FER: variants seen among roughly 807,000 people sequenced by gnomAD.
FER encodes tyrosine-protein kinase Fer.
A neutral mutation model predicts 111.0 loss-of-function variants in FER; 63 were observed. That is an observed-to-expected ratio of 0.57 (90% CI 0.46 to 0.70). FER has a LOEUF of 0.70. FER is among the 30% of genes least tolerant of loss of function. FER has a pLI of 0.00. For missense variants in FER, 914 were observed against 954.0 expected, an observed-to-expected ratio of 0.96 and a Z score of 0.55; for synonymous variants, 327 against 313.9, an observed-to-expected ratio of 1.04 and a Z score of -0.44.
chr5:109,017,702 A>G (rs965599900), intron 13 of FER, among the ~76,000 whole-genome samples: 6 of 151,966 alleles, frequency 3.9e-5, no homozygotes, highest in South Asian at 2.1e-4. Flanking sequence ...AAATGTTATT[A>G]TAGTTATTTA....
chr5:109,068,073 T>C (rs1203003416), intron 16 of FER, among the ~76,000 whole-genome samples: 2 of 152,144 alleles, frequency 1.3e-5, no homozygotes, highest in Non-Finnish European at 2.9e-5. Context: ...CCAAATTTAT[T>C]GTATTCCAGA....
intron 3 of FER, among the ~76,000 whole-genome samples, chr5:108,829,286 A>C (rs1759792013): frequency 6.6e-6 from 1 of 152,322 alleles, no homozygotes; most frequent in African/African-American, 2.4e-5. Flanking sequence ...AGTTGAAGAT[A>C]GACCTGTTTA....
rs1472557795 is a variant in FER at position 108,760,160 on chromosome 5, T to G, written c.-205-7933T>G. Among the ~76,000 whole-genome samples, 21 of 148,738 alleles carry G rather than the reference T, an allele frequency of 1.4e-4. No homozygotes were observed. The South Asian group carries it at 3.8e-3, about 27-fold the overall frequency. On this transcript the variant is annotated intron_variant, in intron 1 of 19. Coordinates refer to ENST00000281092, the MANE Select transcript of FER (RefSeq NM_005246.4). ...TAATATTTTGAAAGCAGTCTTCTGT[T>G]TTTTTTTTTTTTTTCTGAGCAGTAG... is the stretch of plus-strand genomic sequence containing the variant.
At chr5:108,858,824 C>T (rs1416972939) in intron 5 of FER, among the ~76,000 whole-genome samples, 3 of 131,932 alleles carry the variant, frequency 2.3e-5, no homozygotes, top group Non-Finnish European at 3.2e-5. Flanking sequence ...TCATTCGTTT[C>T]AACAGCTGCA....
chr5:109,104,765 C>T (rs1019675769), intron 17 of FER, among the ~76,000 whole-genome samples: 4 of 151,270 alleles, frequency 2.6e-5, no homozygotes, highest in Non-Finnish European at 5.9e-5. Flanking sequence ...TTTTTTGAAA[C>T]GGAGTCTCAC....
intron 9 of FER, among the ~76,000 whole-genome samples, chr5:108,892,452 G>A (rs1301796481): frequency 2.0e-5 from 3 of 152,140 alleles, no homozygotes; most frequent in Admixed American, 2.0e-4. Flanking sequence ...TCTTTTGGCT[G>A]CATAAATGTC....
chr5:109,100,855 T>A (rs955743061), intron 17 of FER, among the ~76,000 whole-genome samples: 2 of 138,518 alleles, frequency 1.4e-5, no homozygotes, highest in East Asian at 3.9e-4. Flanking sequence ...TTTCATGTGT[T>A]GTCTATTCTC....
intron 3 of FER, among the ~76,000 whole-genome samples, chr5:108,821,805 A>G (rs950845443): frequency 1.3e-5 from 2 of 152,074 alleles, no homozygotes; most frequent in Non-Finnish European, 2.9e-5. Context: ...ACCACAATCA[A>G]GTTAATTAAC....
rs1057314225 is a variant in FER, at chr5:109,123,706, C to G, written c.2048+23187C>G. Among the ~76,000 whole-genome samples the G allele has an allele frequency of 2.0e-5, 3 of 152,254 alleles. No individual in the cohort carries two copies. The East Asian group carries it at 5.8e-4, about 29-fold the overall frequency. ...TACTTTAATTCCATTCTCCTGCTTT[C>G]TAACTTATTATTTCTATCTTCTTAT... On this transcript the variant is annotated intron_variant, in intron 17 of 19. Coordinates refer to ENST00000281092, the MANE Select transcript of FER (RefSeq NM_005246.4).
intron 5 of FER, among the ~76,000 whole-genome samples, chr5:108,847,747 A>T (rs71592772): frequency 0.069 from 10,562 of 152,172 alleles, 402 homozygotes; most frequent in Non-Finnish European, 0.082. Flanking sequence ...CTACTTTATT[A>T]TTATGAAATG....
chr5:109,130,957 A>G (rs1752289531), intron 17 of FER, among the ~76,000 whole-genome samples: 1 of 152,162 alleles, frequency 6.6e-6, no homozygotes, highest in Non-Finnish European at 1.5e-5. Flanking sequence ...TTGCTGTTTT[A>G]TACTTCATAC....
At chr5:109,039,813 A>T (rs1014269660) in intron 14 of FER, among the ~76,000 whole-genome samples, 3 of 152,152 alleles carry the variant, frequency 2.0e-5, no homozygotes, top group Admixed American at 1.3e-4. Flanking sequence ...GGCTTTGATC[A>T]TGAATGAAAT....
chr5:109,099,687 TA>T (rs1747978782), intron 16 of FER, among the ~76,000 whole-genome samples: 1 of 151,584 alleles, frequency 6.6e-6, no homozygotes, highest in Non-Finnish European at 1.5e-5. Context: ...AAAAACTTTT[TA>T]AATATTTTTA....
intron 3 of FER, among the ~76,000 whole-genome samples, chr5:108,828,550 C>A (rs1004529812): frequency 2.0e-5 from 3 of 151,820 alleles, no homozygotes; most frequent in Admixed American, 6.6e-5. Flanking sequence ...TATTTATATT[C>A]CGTTTTGCAA....
At chr5:108,942,439 GT>G (rs1756402003) in intron 10 of FER, among the ~76,000 whole-genome samples, 1 of 151,986 alleles carries the variant, frequency 6.6e-6, no homozygotes, top group South Asian at 2.1e-4. Context: ...TAGCAAGGGG[GT>G]TTTCTTTCTT....
intron 2 of FER, among the ~76,000 whole-genome samples, chr5:108,777,079 G>C (rs1753574627): frequency 6.6e-6 from 1 of 152,158 alleles, no homozygotes; most frequent in Non-Finnish European, 1.5e-5. Flanking sequence ...TGGGAGGCCA[G>C]GGTGGGAGGA....
intron 13 of FER, among the ~76,000 whole-genome samples, chr5:108,960,495 A>G (rs1428862145): frequency 6.6e-6 from 1 of 152,012 alleles, no homozygotes; most frequent in East Asian, 1.9e-4. Context: ...TACCAAAACC[A>G]TAAAAAATTC....
intron 17 of FER, among the ~76,000 whole-genome samples, chr5:109,136,254 C>CT (rs948612366): frequency 1.2e-4 from 18 of 151,808 alleles, no homozygotes; most frequent in African/African-American, 4.4e-4. Context: ...GATCACGCCA[C>CT]TGTACTCCAG....
intron 12 of FER, among the ~76,000 whole-genome samples, chr5:108,958,956 AT>A (rs1383836147): frequency 6.6e-6 from 1 of 151,660 alleles, no homozygotes; most frequent in Non-Finnish European, 1.5e-5. Flanking sequence ...TAGATTTTTT[AT>A]TTTTCAACAA....
Sources: allele counts gnomAD v4.1 joint callset (sites outside exome capture counted in the v4.1 genomes callset), GRCh38; gene constraint gnomAD v4.1.1; transcripts MANE v1.5; gene names NCBI Gene and HGNC (gene_info 2026-07-23, HGNC 2026-07-21).